Variants in CUL1 observed in about 807,000 individuals in gnomAD.
CUL1 encodes cullin-1.
In CUL1, 24 loss-of-function variants were observed where a neutral mutation model predicts 118.0. The ratio of observed to expected loss-of-function variants is 0.20; its 90% CI spans 0.15 to 0.29. The LOEUF is 0.29. CUL1 is among the 10% of genes least tolerant of loss of function. CUL1 has a pLI of 1.00. For synonymous variants in CUL1, 332 were observed against 340.4 expected, an observed-to-expected ratio of 0.98 and a Z score of 0.27; for missense variants, 361 against 933.8, an observed-to-expected ratio of 0.39 and a Z score of 7.99.
intron 14 of CUL1, among the ~76,000 whole-genome samples, chr7:148,788,928 C>G (rs1227021617): frequency 6.6e-6 from 1 of 152,222 alleles, no homozygotes. Flanking sequence ...GAGGGACTCA[C>G]AGGCGTGGTT....
chr7:148,788,074 T>C (rs1379869307), intron 13 of CUL1, among the ~76,000 whole-genome samples: 3 of 152,178 alleles, frequency 2.0e-5, no homozygotes, highest in African/African-American at 7.2e-5. Context: ...CTTCTTGCAG[T>C]GCCTCACGTG....
In CUL1 at chr7:148,787,916, G is replaced by A. The variant is rs945682064; in HGVS notation, c.1480-641G>A. Among the ~76,000 whole-genome samples, 1 of 152,154 alleles carries A rather than the reference G, an allele frequency of 6.6e-6. No homozygotes were observed. Among genetic ancestry groups the A allele is most frequent in the South Asian group, 2.1e-4 (1 of 4,828 alleles). On this transcript the variant is annotated intron_variant, in intron 13 of 21. Transcript: ENST00000325222. The surrounding 1 kb of genome is among the most constrained non-coding windows in gnomAD (Gnocchi z 5.5). ...AAATTATGTAGGTATCTTTGTCAGC[G>A]TGGGCTGCCATGACGGAATACCATA...
Position 148,777,977 on chromosome 7 carries a change from C to T in CUL1, c.1084-5806C>T, listed in dbSNP as rs557935552. Among the ~76,000 whole-genome samples the T allele has an allele frequency of 2.7e-5, 4 of 148,100 alleles. No homozygotes were observed. In the South Asian group the frequency reaches 6.5e-4, roughly 24 times the overall value. ...ACTTGGGAGGCTGAGGCAGAAGAGTCACTTGAACCAGGGAGGCAGAGGTTG... is the reference window on the plus strand; with the variant it reads ...ACTTGGGAGGCTGAGGCAGAAGAGTTACTTGAACCAGGGAGGCAGAGGTTG... On this transcript the variant is annotated intron_variant, in intron 9 of 21. Coordinates refer to ENST00000325222, the MANE Select transcript of CUL1 (RefSeq NM_003592.3).
intron 12 of CUL1, 46 bp from the exon 13 acceptor site, chr7:148,786,942 GC>G (rs1210390936): frequency 2.3e-5 from 36 of 1,590,420 alleles, no homozygotes; most frequent in Non-Finnish European, 2.9e-5. Context: ...TGCACTGTTG[GC>G]TTGTGTGTGT....
At chr7:148,794,506 A>T (rs1801118173) in intron 17 of CUL1, among the ~76,000 whole-genome samples, 1 of 152,166 alleles carries the variant, frequency 6.6e-6, no homozygotes. Flanking sequence ...GAGACCCCTA[A>T]CTTCGTTTTA....
chr7:148,799,266 G>T lies in CUL1; in HGVS notation c.2137-9G>T, dbSNP rs374557466. The T allele has an allele frequency of 4.6e-5, 74 of 1,606,340 alleles. 1 individual carries two copies. The African/African-American group carries it at 7.6e-4, about 17-fold the overall frequency. On this transcript the variant is annotated splice_polypyrimidine_tract_variant and intron_variant, in intron 20 of 21. Transcript: ENST00000325222. The stretch of plus-strand genomic sequence containing the variant: ...AAATGCACTTCTTTTTCCTTATCTT[G>T]TTGCATAGGCGGCCATCGTGAGAAT...
At chr7:148,765,384 CT>C (rs1376660565) in intron 7 of CUL1, among the ~76,000 whole-genome samples, 5 of 152,152 alleles carry the variant, frequency 3.3e-5, no homozygotes, top group Non-Finnish European at 7.3e-5. Flanking sequence ...AATCCCAGAA[CT>C]TTGGGAAGCC....
chr7:148,791,041 G>A (rs1400961092), intron 16 of CUL1, among the ~76,000 whole-genome samples: 1 of 152,146 alleles, frequency 6.6e-6, no homozygotes, highest in Non-Finnish European at 1.5e-5. Context: ...CTAGGCTTGG[G>A]CTGGTGTGGT....
intron 2 of CUL1, among the ~76,000 whole-genome samples, chr7:148,743,931 AT>A (rs979746459): frequency 1.5e-4 from 23 of 152,124 alleles, no homozygotes; most frequent in Middle Eastern, 3.4e-3. Context: ...CAAAAAACAA[AT>A]TTTTTTTCAT....
At chr7:148,724,788 TCTC>T (rs1470162203) in intron 1 of CUL1, among the ~76,000 whole-genome samples, 1 of 152,226 alleles carries the variant, frequency 6.6e-6, no homozygotes, top group South Asian at 2.1e-4. Context: ...ATGCCAAGGA[TCTC>T]CTATACCTGA....
chr7:148,749,197 A>G (rs973593607), intron 2 of CUL1, among the ~76,000 whole-genome samples: 2 of 152,158 alleles, frequency 1.3e-5, no homozygotes, highest in Admixed American at 6.5e-5. Context: ...TGGGCAGATC[A>G]CCTGAGGTCA....
intron 1 of CUL1, among the ~76,000 whole-genome samples, chr7:148,714,908 G>A (rs1301028364): frequency 6.6e-6 from 1 of 152,182 alleles, no homozygotes; most frequent in Non-Finnish European, 1.5e-5. Flanking sequence ...TTGTGTGTGA[G>A]AGGGTCTTGC....
At chr7:148,713,629 C>G (rs574707741) in intron 1 of CUL1, among the ~76,000 whole-genome samples, 7 of 152,186 alleles carry the variant, frequency 4.6e-5, no homozygotes, top group African/African-American at 1.4e-4. Flanking sequence ...GGAGAAAATT[C>G]TGTACTTCTG....
chr7:148,738,334 G>A lies in CUL1; in HGVS notation c.140+8072G>A, dbSNP rs141721205. Among the ~76,000 whole-genome samples the A allele has an allele frequency of 4.4e-3, 665 of 152,342 alleles. 6 individuals carry two copies. Among genetic ancestry groups the A allele is most frequent in the African/African-American group, 0.015 (636 of 41,584 alleles). On this transcript the variant is annotated intron_variant, in intron 2 of 21. Coordinates refer to ENST00000325222, the MANE Select transcript of CUL1 (RefSeq NM_003592.3). ...CCAGAAGGTGTCTGCTTGCTGAAAGGTGAGATGTGAAGCTTTGCATCTGAT... is the reference window on the plus strand; with the variant it reads ...CCAGAAGGTGTCTGCTTGCTGAAAGATGAGATGTGAAGCTTTGCATCTGAT...
At chr7:148,712,660 T>TA (rs1216247850) in intron 1 of CUL1, among the ~76,000 whole-genome samples, 11 of 152,354 alleles carry the variant, frequency 7.2e-5, no homozygotes, top group African/African-American at 2.4e-4. Context: ...AGGACTCTGC[T>TA]AAGCATTTTA....
intron 2 of CUL1, 106 bp from the exon 3 acceptor site, chr7:148,753,870 G>A: frequency 2.5e-6 from 2 of 809,612 alleles, no homozygotes; most frequent in Non-Finnish European, 1.9e-6. Flanking sequence ...ACAGGTTTTG[G>A]TTGATATATT....
chr7:148,740,586 A>G (rs901548569), intron 2 of CUL1, among the ~76,000 whole-genome samples: 1 of 152,186 alleles, frequency 6.6e-6, no homozygotes, highest in Non-Finnish European at 1.5e-5. Context: ...AACATTTTGT[A>G]TACATGTAAC....
chr7:148,730,483 CT>C (rs1295359770), intron 2 of CUL1, among the ~76,000 whole-genome samples: 1 of 152,066 alleles, frequency 6.6e-6, no homozygotes, highest in East Asian at 1.9e-4. Flanking sequence ...GCACATGTGG[CT>C]GTTTACATTT....
intron 5 of CUL1, 72 bp from the exon 6 acceptor site, chr7:148,759,476 G>T: frequency 7.3e-7 from 1 of 1,369,720 alleles, no homozygotes; most frequent in South Asian, 1.2e-5. Context: ...GGCTGTGAAT[G>T]TTTAAGGGAT....
Sources: allele counts gnomAD v4.1 joint callset (sites outside exome capture counted in the v4.1 genomes callset), GRCh38; gene constraint gnomAD v4.1.1; non-coding constraint Gnocchi (gnomAD v3.1); transcripts MANE v1.5; gene names NCBI Gene and HGNC (gene_info 2026-07-23, HGNC 2026-07-21).